The following BCAS1 variants were observed in gnomAD, a reference collection of about 807,000 sequenced individuals.
BCAS1 encodes brain enriched myelin associated protein 1, also known as breast carcinoma-amplified sequence 1.
A neutral mutation model predicts 65.4 loss-of-function variants in BCAS1; 46 were observed. That is an observed-to-expected ratio of 0.70 (90% CI 0.55 to 0.90). The LOEUF (loss-of-function observed/expected upper bound fraction) is 0.90, where lower values mean the gene tolerates loss of function less well. BCAS1 is among the 40% of genes least tolerant of loss of function. The pLI is 0.00. For missense variants in BCAS1, 793 were observed against 771.2 expected, an observed-to-expected ratio of 1.03 and a Z score of -0.33; for synonymous variants, 298 against 293.5, an observed-to-expected ratio of 1.02 and a Z score of -0.16.
At chr20:54,070,090 C>A (rs2092497298) in intron 1 of BCAS1, among the ~76,000 whole-genome samples, 1 of 152,212 alleles carries the variant, frequency 6.6e-6, no homozygotes, top group Admixed American at 6.5e-5. Context: ...ATCCCCAAAT[C>A]ACACAGCCTA....
chr20:54,021,284 C>A (rs977940271), intron 4 of BCAS1, among the ~76,000 whole-genome samples: 6 of 151,552 alleles, frequency 4.0e-5, no homozygotes, highest in African/African-American at 1.5e-4. Context: ...AATTCCAGGT[C>A]ACTGCAATAG....
intron 10 of BCAS1, among the ~76,000 whole-genome samples, chr20:53,960,893 GAGA>G (rs1376836544): frequency 6.6e-6 from 1 of 152,168 alleles, no homozygotes; most frequent in Non-Finnish European, 1.5e-5. Flanking sequence ...AATTCTTCCA[GAGA>G]CTATTTAATA....
intron 1 of BCAS1, among the ~76,000 whole-genome samples, chr20:54,067,183 T>C (rs1457353025): frequency 6.6e-6 from 1 of 152,208 alleles, no homozygotes; most frequent in Non-Finnish European, 1.5e-5. Context: ...GAGACCATCC[T>C]GGCCAACATG....
chr20:54,048,422 T>A (rs1466244261), intron 3 of BCAS1, among the ~76,000 whole-genome samples: 1 of 152,094 alleles, frequency 6.6e-6, no homozygotes, highest in Non-Finnish European at 1.5e-5. Context: ...ATGGGCCATG[T>A]GATGTAGCTC....
intron 3 of BCAS1, among the ~76,000 whole-genome samples, chr20:54,041,973 C>G (rs1034362348): frequency 6.8e-6 from 1 of 147,278 alleles, no homozygotes; most frequent in Non-Finnish European, 1.5e-5. Flanking sequence ...AATTTGGCCA[C>G]TTCTTTGGAA....
chr20:53,984,346 T>C (rs575797493), intron 8 of BCAS1, among the ~76,000 whole-genome samples: 32 of 152,296 alleles, frequency 2.1e-4, no homozygotes, highest in African/African-American at 7.7e-4. Flanking sequence ...TCCAAAGTTT[T>C]TATGAAATAG....
chr20:53,994,905 AC>A, intron 6 of BCAS1, 106 bp downstream of exon 6: 1 of 859,066 alleles, frequency 1.2e-6, no homozygotes, highest in Non-Finnish European at 1.9e-6. Context: ...ACACACACAC[AC>A]ACACACACAC....
At chr20:54,022,700 GT>G (rs938286174) in intron 4 of BCAS1, among the ~76,000 whole-genome samples, 3 of 152,150 alleles carry the variant, frequency 2.0e-5, no homozygotes, top group South Asian at 2.1e-4. Context: ...ACCTTGTTGG[GT>G]TTTTTTAACA....
intron 10 of BCAS1, among the ~76,000 whole-genome samples, chr20:53,965,140 G>T (rs966732290): frequency 2.6e-5 from 4 of 152,152 alleles, no homozygotes; most frequent in Non-Finnish European, 5.9e-5. Context: ...GATAGATGGG[G>T]TTTTGGCCAT....
intron 7 of BCAS1, among the ~76,000 whole-genome samples, chr20:53,987,790 G>A (rs2090651743): frequency 6.6e-6 from 1 of 152,202 alleles, no homozygotes; most frequent in Non-Finnish European, 1.5e-5. Flanking sequence ...ACTTCACTGA[G>A]AAAAGGATGG....
chr20:54,058,780 A>G (rs769050842), intron 1 of BCAS1, 57 bp from the exon 2 acceptor site: 1 of 1,595,634 alleles, frequency 6.3e-7, no homozygotes, highest in Admixed American at 1.7e-5. Context: ...ACGAAGCTAC[A>G]TGTGCTACTA....
In BCAS1 at chr20:53,967,061, A is replaced by G; in HGVS notation, c.1330T>C (p.Ser444Pro). 6.2e-7 allele frequency: 1 copy of G among 1,605,806 alleles called. No individual in the cohort carries two copies. The change falls in exon 10 of 13, where the codon TCA becomes CCA. Residue 444 changes from serine (S) to proline (P), a missense_variant. Ser to Pro is a moderately conservative substitution (Grantham distance 74, BLOSUM62 -1). Coordinates refer to ENST00000688948, the MANE Select transcript of BCAS1 (RefSeq NM_001366298.2). ...TGAEENVVCE[S>P]PVEIIKSKEV... The stretch of plus-strand genomic sequence containing the variant: ...TTGGACTTTATAATCTCTACTGGTG[A>G]CTCACACACCACCTGGATTATTTTG...
At chr20:53,980,783 A>C (rs1310762001) in intron 8 of BCAS1, among the ~76,000 whole-genome samples, 1 of 152,242 alleles carries the variant, frequency 6.6e-6, no homozygotes, top group East Asian at 1.9e-4. Context: ...ATGCTCATAC[A>C]TAAAGACAAA....
At chr20:53,988,120 TTGGTGTAACTTCTG>T (rs1307711402) in intron 7 of BCAS1, among the ~76,000 whole-genome samples, 3 of 152,170 alleles carry the variant, frequency 2.0e-5, no homozygotes, top group Non-Finnish European at 2.9e-5. Flanking sequence ...CCACGCTATT[TTGGTGTAACTTCTG>T]TGGCTTGGCT....
chr20:53,954,630 T>C (rs2089646448), intron 11 of BCAS1, among the ~76,000 whole-genome samples: 1 of 152,232 alleles, frequency 6.6e-6, no homozygotes, highest in Non-Finnish European at 1.5e-5. Context: ...AATAATTTGA[T>C]GAGATGAGGC....
intron 1 of BCAS1, among the ~76,000 whole-genome samples, chr20:54,067,529 T>C (rs182841578): frequency 2.0e-5 from 3 of 152,352 alleles, no homozygotes; most frequent in Admixed American, 1.3e-4. Context: ...ATTGTTATAA[T>C]TGAGTTAGTT....
In BCAS1 at chr20:53,989,990, A is replaced by T. The variant is rs1365154130; in HGVS notation, c.1062+2522T>A. ...TATATTTTACCTGGTGGCCCTGCCC[A>T]TGAAATTCTAGTGGATTCAATTTGG... On this transcript the variant is annotated intron_variant, in intron 7 of 12. Coordinates refer to ENST00000688948, the MANE Select transcript of BCAS1 (RefSeq NM_001366298.2). 3.9e-5 allele frequency among the ~76,000 whole-genome samples: 6 copies of T among 152,224 alleles called. No homozygotes were observed. In the East Asian group the frequency reaches 1.2e-3, roughly 29 times the overall value.
intron 1 of BCAS1, among the ~76,000 whole-genome samples, chr20:54,060,626 A>G (rs1219841793): frequency 3.9e-5 from 6 of 152,140 alleles, no homozygotes; most frequent in African/African-American, 7.2e-5. Flanking sequence ...CTGGTCGAAT[A>G]AAAGTAATTA....
chr20:54,010,588 T>C lies in BCAS1; in HGVS notation c.724-14538A>G, dbSNP rs141220018. 4.5e-4 allele frequency among the ~76,000 whole-genome samples: 69 copies of C among 152,318 alleles called. 1 individual carries two copies. The highest frequency in any genetic ancestry group is 3.4e-3 in the Middle Eastern group (1 of 294). ...TATATAATGCTAATGAAAGAAATCA[T>C]AGGAGACCTAAATAAATGGAGAGAC... On this transcript the variant is annotated intron_variant, in intron 4 of 12. Coordinates refer to ENST00000688948, the MANE Select transcript of BCAS1 (RefSeq NM_001366298.2).
Sources: gnomAD v4.1 joint callset for allele counts (sites outside exome capture counted in the v4.1 genomes callset) on GRCh38, gnomAD v4.1.1 for gene constraint, MANE v1.5 for transcripts, NCBI Gene and HGNC (gene_info 2026-07-23, HGNC 2026-07-21) for gene names.